The following DNPEP variants were observed in gnomAD, a reference collection of about 807,000 sequenced individuals.
The protein encoded by DNPEP is aspartyl aminopeptidase.
A neutral mutation model predicts 59.1 loss-of-function variants in DNPEP; 46 were observed. The observed-to-expected ratio is 0.78, with a 90% CI of 0.61 to 0.99. The LOEUF (loss-of-function observed/expected upper bound fraction) is 0.99. Ranked by LOEUF, DNPEP falls within the 50% of genes least tolerant of loss-of-function variation. The pLI, the probability that DNPEP is intolerant of heterozygous loss-of-function variation, is 0.00. For synonymous variants in DNPEP, 229 were observed against 242.2 expected (o/e 0.95, Z 0.50); for missense variants, 617 against 649.9 (o/e 0.95, Z 0.55).
rs1953301614 is a variant in DNPEP, at chr2:219,374,797, TCCA to T, written c.1407+55_1407+57del. 7 of 1,574,554 alleles carry T rather than the reference TCCA, an allele frequency of 4.4e-6. No individual in the cohort carries two copies. In the East Asian group the frequency reaches 1.6e-4, roughly 36 times the overall value. On this transcript the variant is annotated intron_variant, in intron 14 of 14. Transcript: ENST00000273075. ...ATGGCGATGTTGTCCCAGCAACCAATCCAGGCACTAGAGGGGAAGCAGCCCAGC... is the reference window on the plus strand; with the variant it reads ...ATGGCGATGTTGTCCCAGCAACCAATGGCACTAGAGGGGAAGCAGCCCAGC...
chr2:219,398,928 G>C (rs1433984773), intron 1 of DNPEP, among the ~76,000 whole-genome samples: 1 of 152,232 alleles, frequency 6.6e-6, no homozygotes, highest in Non-Finnish European at 1.5e-5. Flanking sequence ...GGCATTTCTG[G>C]CTCTCAACCT....
intron 13 of DNPEP, among the ~76,000 whole-genome samples, chr2:219,377,277 CAAAAAAAAAAAA>C (rs386392672): frequency 6.4e-4 from 42 of 66,098 alleles, no homozygotes; most frequent in Admixed American, 1.2e-3. Context: ...CTCACTCTGT[CAAAAAAAAAAAA>C]AAAAAAAAAA....
rs201927429 is a variant in DNPEP at position 219,386,328 on chromosome 2, C to G, written c.417G>C (p.Trp139Cys). The change falls in exon 5 of 15, where the codon TGG becomes TGC. Residue 139 changes from tryptophan to cysteine, a missense_variant. Coordinates refer to ENST00000273075, the MANE Select transcript of DNPEP (RefSeq NM_012100.4). ...CAGCCAGAGTCAGGTCACGGTCAAA[C>G]CAGGTGCTCCAGATCCCACCACCAT... ...ETYGGGIWST[W>C]FDRDLTLAGR... 4.2e-5 allele frequency: 68 copies of G among 1,614,086 alleles called. No individual in the cohort carries two copies. The highest frequency in any genetic ancestry group is 5.7e-5 in the Non-Finnish European group (67 of 1,180,038).
chr2:219,395,258 C>G (rs1332243975), intron 1 of DNPEP, among the ~76,000 whole-genome samples: 1 of 152,064 alleles, frequency 6.6e-6, no homozygotes, highest in Non-Finnish European at 1.5e-5. Context: ...GACGTGGGGT[C>G]TATTGAGGAG....
chr2:219,387,894 T>C lies in DNPEP; in HGVS notation c.-100A>G, dbSNP rs942028765. The C allele has an allele frequency of 3.6e-6, 5 of 1,379,126 alleles. No individual in the cohort carries two copies. Among genetic ancestry groups the C allele is most frequent in the African/African-American group, 3.3e-5 (2 of 61,474 alleles). The allele number at this position is 1,379,126 out of a possible 1,614,324, so 85.4% of individuals were successfully genotyped here. ...GCCCCTTCAGGCCGCGCCGCACTCG[T>C]AGGCCTTCATCACGCTTCCCCGGCC... On this transcript the variant is annotated 5_prime_UTR_variant, in exon 1 of 15. Coordinates refer to ENST00000273075, the MANE Select transcript of DNPEP (RefSeq NM_012100.4).
upstream of DNPEP, chr2:219,388,731 G>T: frequency 2.0e-6 from 2 of 985,530 alleles, no homozygotes; most frequent in Non-Finnish European, 2.4e-6. Flanking sequence ...ACAAAGTGCT[G>T]TCTCTCGCCA....
At chr2:219,380,842 T>TACACACACACACACACACCACACACAC (rs1553599758) in intron 13 of DNPEP, among the ~76,000 whole-genome samples, 10 of 145,682 alleles carry the variant, frequency 6.9e-5, no homozygotes, top group African/African-American at 2.5e-4. Context: ...CATATATATG[T>TACACACACACACACACACCACACACAC]ACACACACAC....
rs1354313420 is a variant in DNPEP, at chr2:219,387,125, C to G, written c.75G>C (p.Gln25His). Reference sequence around the variant, plus strand: ...ACTTGAGGAGTTCCTTAGCCGCAGTCTGCACCGCCTCTTTGCGGGCCTTAC... The same window carrying G: ...ACTTGAGGAGTTCCTTAGCCGCAGTGTGCACCGCCTCTTTGCGGGCCTTAC... The part of the protein sequence containing the change: ...MNGKARKEAV[Q>H]TAAKELLKFV... The change falls in exon 2 of 15, where the codon CAG becomes CAC. Residue 25 changes from glutamine to histidine, a missense_variant. Transcript: ENST00000273075. The G allele has an allele frequency of 6.4e-7, 1 of 1,572,014 alleles. No homozygotes were observed. The highest frequency in any genetic ancestry group is 1.4e-5 in the African/African-American group (1 of 74,042).
At chr2:219,380,846 C>CACACACACACACACACACAG (rs1430303801) in intron 13 of DNPEP, among the ~76,000 whole-genome samples, 1 of 151,856 alleles carries the variant, frequency 6.6e-6, no homozygotes. Flanking sequence ...TATATGTACA[C>CACACACACACACACACACAG]ACACACACAC....
chr2:219,398,777 G>T (rs367655176), intron 1 of DNPEP, among the ~76,000 whole-genome samples: 65 of 152,220 alleles, frequency 4.3e-4, no homozygotes, highest in African/African-American at 1.5e-3. Flanking sequence ...ATGCCAGGGG[G>T]GTCTGGGGTG....
chr2:219,373,966 G>A lies in DNPEP; in HGVS notation c.*326C>T, dbSNP rs563677172. On this transcript the variant is annotated 3_prime_UTR_variant, in exon 15 of 15. Coordinates refer to ENST00000273075, the MANE Select transcript of DNPEP (RefSeq NM_012100.4). ...AGACCGTTGAGGCCATTTCCCAGGT[G>A]GAGGACTAGGGGTGGGAGAAGTGAC... 52 of 318,824 alleles carry A rather than the reference G, an allele frequency of 1.6e-4. No homozygotes were observed. The South Asian group carries it at 1.8e-3, about 11-fold the overall frequency. 19.7% of individuals were successfully genotyped at this position (318,824 alleles called of 1,614,324 possible).
At chr2:219,387,265 C>G in intron 1 of DNPEP, 102 bp from the exon 2 acceptor site, 1 of 1,492,252 alleles carries the variant, frequency 6.7e-7, no homozygotes, top group Non-Finnish European at 9.0e-7. Context: ...AGTGACCACT[C>G]TAAGGCACAG....
upstream of DNPEP, chr2:219,393,690 T>C (rs1954053881): frequency 6.6e-6 from 1 of 152,088 alleles, no homozygotes; most frequent in Non-Finnish European, 1.5e-5. Context: ...TGGAGGAGAG[T>C]TTCATCCAGT....
chr2:219,377,095 G>A (rs1170608219), intron 13 of DNPEP, among the ~76,000 whole-genome samples: 2 of 151,768 alleles, frequency 1.3e-5, no homozygotes, highest in Non-Finnish European at 2.9e-5. Flanking sequence ...CCAATATGGT[G>A]AAACCCTGTC....
Position 219,381,562 on chromosome 2 carries a change from G to C in DNPEP, c.1120C>G (p.Arg374Gly). ...NYLDKHEENH[R>G]PLFHKGPVIK... Reference sequence around the variant, plus strand: ...CGTCTCACCTTGTGGAATAAAGGCCGGTGGTTCTCCTCATGCTTGTCCCTG... The same window carrying C: ...CGTCTCACCTTGTGGAATAAAGGCCCGTGGTTCTCCTCATGCTTGTCCCTG... The change falls in exon 12 of 15, where the codon CGG (arginine) becomes GGG (glycine). Residue 374 changes from arginine (R) to glycine (G), a missense_variant. Physicochemically the swap from Arg to Gly is moderately radical, Grantham distance 125 (BLOSUM62 -2). Coordinates refer to ENST00000273075, the MANE Select transcript of DNPEP (RefSeq NM_012100.4). The C allele has an allele frequency of 6.2e-7, 1 of 1,614,134 alleles. No individual in the cohort carries two copies. The highest frequency in any genetic ancestry group is 8.5e-7 in the Non-Finnish European group (1 of 1,180,030).
intron 1 of DNPEP, among the ~76,000 whole-genome samples, chr2:219,397,110 G>A (rs139164122): frequency 5.3e-4 from 81 of 152,202 alleles, no homozygotes; most frequent in African/African-American, 1.0e-3. Flanking sequence ...GGTTATGAGC[G>A]TGGGCTCAGG....
chr2:219,383,920 G>A (rs1033864148), intron 9 of DNPEP, among the ~76,000 whole-genome samples: 2 of 152,318 alleles, frequency 1.3e-5, no homozygotes, highest in Admixed American at 1.3e-4. Flanking sequence ...GGAATATCAA[G>A]GTGACTAGGA....
chr2:219,380,599 G>A (rs1378806293), intron 13 of DNPEP, among the ~76,000 whole-genome samples: 1 of 152,030 alleles, frequency 6.6e-6, no homozygotes, highest in Admixed American at 6.6e-5. Flanking sequence ...GTAAGAAGCC[G>A]TACAGGTTTG....
intron 1 of DNPEP, among the ~76,000 whole-genome samples, chr2:219,396,898 A>G (rs2125154213): frequency 6.6e-6 from 1 of 152,316 alleles, no homozygotes; most frequent in South Asian, 2.1e-4. Flanking sequence ...ATTATTTCCA[A>G]ATAAAAAGGT....
Sources: allele counts gnomAD v4.1 joint callset (sites outside exome capture counted in the v4.1 genomes callset), GRCh38; gene constraint gnomAD v4.1.1; transcripts MANE v1.5; gene names NCBI Gene and HGNC (gene_info 2026-07-23, HGNC 2026-07-21).